Variants in CLASP1 observed in about 807,000 individuals in gnomAD.
CLASP1 encodes the protein CLIP-associating protein 1.
Under a neutral mutation model 192.3 loss-of-function variants are expected in CLASP1, and 38 were observed. The ratio of observed to expected loss-of-function variants is 0.20; its 90% CI spans 0.15 to 0.26. The LOEUF (loss-of-function observed/expected upper bound fraction) is 0.26, where lower values mean the gene tolerates loss of function less well. Among genes scored for constraint, CLASP1 ranks in the 10% least tolerant of loss-of-function variants. The probability of loss-of-function intolerance (pLI) is 1.00; values close to 1 mark genes in which losing one functional copy is unlikely to be tolerated. For synonymous variants in CLASP1, 691 were observed against 712.8 expected (o/e 0.97, Z 0.49); for missense variants, 1,433 against 1,932.5 (o/e 0.74, Z 4.85).
intron 2 of CLASP1, among the ~76,000 whole-genome samples, chr2:121,558,301 T>C (rs976906742): frequency 2.6e-5 from 4 of 151,986 alleles, no homozygotes; most frequent in African/African-American, 9.7e-5. Flanking sequence ...GAAAGCAGCA[T>C]CACCCAGATT....
chr2:121,572,240 A>T (rs2060045314), intron 2 of CLASP1, among the ~76,000 whole-genome samples: 1 of 152,250 alleles, frequency 6.6e-6, no homozygotes, highest in Middle Eastern at 3.4e-3. Context: ...GATCCTGGCT[A>T]ACACGGTGAA....
intron 2 of CLASP1, among the ~76,000 whole-genome samples, chr2:121,558,245 G>A (rs745480504): frequency 6.6e-6 from 1 of 152,124 alleles, no homozygotes; most frequent in Non-Finnish European, 1.5e-5. Context: ...TCTTCCCGTA[G>A]CCCAATGGAC....
chr2:121,544,014 T>C (rs1305471136), intron 2 of CLASP1, among the ~76,000 whole-genome samples: 1 of 152,172 alleles, frequency 6.6e-6, no homozygotes, highest in Non-Finnish European at 1.5e-5. Flanking sequence ...AACAAATAAT[T>C]AGGCAAGGTC....
exon 32 of CLASP1, chr2:121,387,135 C>T: frequency 6.2e-7 from 1 of 1,613,562 alleles, no homozygotes. Flanking sequence ...GGAGACAGAC[C>T]CCCATGGGAA....
chr2:121,470,130 C>T, intron 8 of CLASP1, 170 bp from the exon 9 acceptor site: 1 of 665,192 alleles, frequency 1.5e-6, no homozygotes, highest in East Asian at 2.8e-5. Flanking sequence ...AGGTTAAGCC[C>T]AGAATGAAGC....
At chr2:121,377,345 A>G (rs918800276) in intron 34 of CLASP1, among the ~76,000 whole-genome samples, 154 bp downstream of exon 35, 4 of 152,254 alleles carry the variant, frequency 2.6e-5, no homozygotes, top group African/African-American at 9.6e-5. Context: ...GTGTATAATT[A>G]TTACATGTCA....
chr2:121,370,045 TAA>T (rs1325408094), intron 34 of CLASP1, among the ~76,000 whole-genome samples: 1 of 152,346 alleles, frequency 6.6e-6, no homozygotes, highest in South Asian at 2.1e-4. Context: ...AACCTTGATA[TAA>T]GTCTGCTGTA....
At chr2:121,509,268 C>T (rs565860215) in intron 7 of CLASP1, among the ~76,000 whole-genome samples, 22 of 152,208 alleles carry the variant, frequency 1.4e-4, no homozygotes, top group African/African-American at 5.3e-4. Flanking sequence ...CTCAACCTCC[C>T]AAGCTGGAGA....
At chr2:121,610,403 T>A (rs1237227164) in intron 1 of CLASP1, among the ~76,000 whole-genome samples, 2 of 103,700 alleles carry the variant, frequency 1.9e-5, no homozygotes. Flanking sequence ...GAGGAGGAGT[T>A]ACAGGAGGAA....
chr2:121,377,565 A>G, exon 34 of CLASP1: 3 of 1,598,632 alleles, frequency 1.9e-6, no homozygotes, highest in Non-Finnish European at 1.7e-6. Context: ...TTCGAAAACT[A>G]AACTTTTCAA....
At chr2:121,486,056 T>C (rs995757400) in intron 8 of CLASP1, among the ~76,000 whole-genome samples, 3 of 152,134 alleles carry the variant, frequency 2.0e-5, no homozygotes, top group African/African-American at 7.2e-5. Flanking sequence ...GAGAATAATG[T>C]GTGCAAGCTC....
intron 35 of CLASP1, among the ~76,000 whole-genome samples, 176 bp downstream of exon 36, chr2:121,367,412 G>A (rs1054314987): frequency 2.6e-5 from 4 of 152,158 alleles, no homozygotes; most frequent in African/African-American, 9.7e-5. Context: ...CATGTTCCCC[G>A]TGCCCAAGCG....
chr2:121,616,974 A>G (rs1437743991), intron 1 of CLASP1, among the ~76,000 whole-genome samples: 1 of 152,232 alleles, frequency 6.6e-6, no homozygotes, highest in African/African-American at 2.4e-5. Flanking sequence ...GTCTTAAACC[A>G]GAAGTTTGCA....
chr2:121,607,959 T>C (rs2064670208), intron 1 of CLASP1, among the ~76,000 whole-genome samples: 1 of 152,184 alleles, frequency 6.6e-6, no homozygotes, highest in Non-Finnish European at 1.5e-5. Context: ...TCTTCTACTT[T>C]ACTGCTTCCA....
intron 34 of CLASP1, among the ~76,000 whole-genome samples, chr2:121,370,784 A>C (rs890464668): frequency 4.6e-5 from 7 of 152,140 alleles, no homozygotes; most frequent in Non-Finnish European, 8.8e-5. Flanking sequence ...ACCTGTCCCT[A>C]GGTGACACTG....
chr2:121,595,084 G>A (rs1379517811), intron 2 of CLASP1, among the ~76,000 whole-genome samples: 2 of 152,006 alleles, frequency 1.3e-5, no homozygotes, highest in African/African-American at 4.8e-5. Flanking sequence ...TCAACTGTGG[G>A]GTACGTCCTT....
intron 14 of CLASP1, among the ~76,000 whole-genome samples, chr2:121,453,372 AC>A (rs755845539): frequency 2.6e-5 from 4 of 152,180 alleles, no homozygotes; most frequent in Non-Finnish European, 5.9e-5. Flanking sequence ...GATAACCAAG[AC>A]ACAGCCCAGA....
intron 8 of CLASP1, among the ~76,000 whole-genome samples, chr2:121,501,372 C>T (rs937565350): frequency 2.0e-5 from 3 of 152,140 alleles, no homozygotes; most frequent in African/African-American, 7.2e-5. Flanking sequence ...ATCACGAGTG[C>T]ACCACTCAGA....
chr2:121,584,709 C>T (rs899071815), intron 2 of CLASP1, among the ~76,000 whole-genome samples: 1 of 152,124 alleles, frequency 6.6e-6, no homozygotes, highest in South Asian at 2.1e-4. Context: ...CATTTTGACA[C>T]ACTGAGAAAC....
Sources: allele counts gnomAD v4.1 joint callset (sites outside exome capture counted in the v4.1 genomes callset), GRCh38; gene constraint gnomAD v4.1.1; transcripts MANE v1.5; gene names NCBI Gene and HGNC (gene_info 2026-07-23, HGNC 2026-07-21).